The following ZNF804B variants were observed in gnomAD, a reference collection of about 807,000 sequenced individuals.
ZNF804B encodes zinc finger protein 804B, also known as zinc finger 804B.
Under a neutral mutation model 101.4 loss-of-function variants are expected in ZNF804B, and 80 were observed. The ratio of observed to expected loss-of-function variants is 0.79; its 90% CI spans 0.66 to 0.95. The LOEUF (loss-of-function observed/expected upper bound fraction) is 0.95, where lower values mean the gene tolerates loss of function less well. Ranked by LOEUF, ZNF804B falls within the 40% of genes least tolerant of loss-of-function variation. The pLI is 0.00. For missense variants in ZNF804B, 1,673 were observed against 1,561.9 expected (o/e 1.07, Z -1.20); for synonymous variants, 622 against 558.8 (o/e 1.11, Z -1.59).
chr7:88,820,661 A>C (rs1036222994), intron 1 of ZNF804B, among the ~76,000 whole-genome samples: 1 of 152,076 alleles, frequency 6.6e-6, no homozygotes, highest in African/African-American at 2.4e-5. Flanking sequence ...GCCTGTGGGA[A>C]ACTCTCTAGC....
At chr7:89,014,932 T>C (rs1027394230) in intron 1 of ZNF804B, among the ~76,000 whole-genome samples, 3 of 152,212 alleles carry the variant, frequency 2.0e-5, no homozygotes, top group Non-Finnish European at 4.4e-5. Flanking sequence ...CCCAGACCGA[T>C]GTTCTGAAGC....
At chr7:89,145,669 A>G (rs1329586684) in intron 1 of ZNF804B, among the ~76,000 whole-genome samples, 1 of 152,012 alleles carries the variant, frequency 6.6e-6, no homozygotes, top group Admixed American at 6.6e-5. Context: ...TCATTGACTA[A>G]TTCCACAAAC....
At chr7:88,987,431 C>T (rs1463547118) in intron 1 of ZNF804B, among the ~76,000 whole-genome samples, 3 of 152,082 alleles carry the variant, frequency 2.0e-5, no homozygotes, top group African/African-American at 7.2e-5. Flanking sequence ...AATCATTAGT[C>T]TTTCTTTGTA....
chr7:88,836,557 A>G (rs549777768), intron 1 of ZNF804B, among the ~76,000 whole-genome samples: 1 of 152,102 alleles, frequency 6.6e-6, no homozygotes, highest in East Asian at 1.9e-4. Flanking sequence ...TAAACGAAGT[A>G]TCTACTTCAA....
At chr7:89,306,362 G>T (rs532559790) in intron 2 of ZNF804B, among the ~76,000 whole-genome samples, 3 of 152,084 alleles carry the variant, frequency 2.0e-5, no homozygotes, top group Admixed American at 6.6e-5. Context: ...AGGATTCCAT[G>T]CATGACCGTG....
chr7:89,140,770 T>C (rs1790704953), intron 1 of ZNF804B, among the ~76,000 whole-genome samples: 1 of 152,108 alleles, frequency 6.6e-6, no homozygotes, highest in South Asian at 2.1e-4. Context: ...TTATCAGCAA[T>C]AGGCTTTTTT....
chr7:89,114,807 G>A (rs930242636), intron 1 of ZNF804B, among the ~76,000 whole-genome samples: 11 of 152,184 alleles, frequency 7.2e-5, no homozygotes, highest in Admixed American at 1.3e-4. Context: ...CTGAAACCAG[G>A]AAAGGTAAAT....
chr7:89,123,393 C>G (rs1311469703), intron 1 of ZNF804B, among the ~76,000 whole-genome samples: 2 of 152,108 alleles, frequency 1.3e-5, no homozygotes, highest in African/African-American at 4.8e-5. Context: ...GATGCACCTC[C>G]TCCAATGATC....
intron 1 of ZNF804B, among the ~76,000 whole-genome samples, chr7:88,851,729 GT>G (rs1231099248): frequency 3.3e-5 from 5 of 151,674 alleles, no homozygotes; most frequent in East Asian, 1.9e-4. Context: ...AATATAAAGA[GT>G]TTTTTTTCTT....
chr7:89,196,022 T>C (rs892633745), intron 1 of ZNF804B, among the ~76,000 whole-genome samples: 1 of 151,842 alleles, frequency 6.6e-6, no homozygotes, highest in Non-Finnish European at 1.5e-5. Context: ...TAAACTACCA[T>C]CGACATTCTT....
intron 1 of ZNF804B, among the ~76,000 whole-genome samples, chr7:88,843,600 G>T (rs1187128295): frequency 6.6e-6 from 1 of 152,106 alleles, no homozygotes; most frequent in Admixed American, 6.5e-5. Flanking sequence ...AGCTGGGCAT[G>T]GTGGCAGGTG....
chr7:88,849,053 A>G (rs575146162), intron 1 of ZNF804B, among the ~76,000 whole-genome samples: 2 of 152,290 alleles, frequency 1.3e-5, no homozygotes, highest in Admixed American at 6.5e-5. Context: ...CCCTCAATTT[A>G]CAAACAAAAT....
In ZNF804B at chr7:88,980,317, A is replaced by G. The variant is rs555531679; in HGVS notation, c.108+220233A>G. On this transcript the variant is annotated intron_variant, in intron 1 of 3. Coordinates refer to ENST00000333190, the MANE Select transcript of ZNF804B (RefSeq NM_181646.5). The stretch of plus-strand genomic sequence containing the variant: ...TGGTTTGGTCACTGGTGCCTTATTT[A>G]GTTTGATTTTTGAGTTCATGTGTTC... 5.3e-5 allele frequency among the ~76,000 whole-genome samples: 8 copies of G among 152,034 alleles called. No homozygotes were observed. In the South Asian group the frequency reaches 1.2e-3, roughly 24 times the overall value.
At chr7:88,932,224 G>A (rs955007039) in intron 1 of ZNF804B, among the ~76,000 whole-genome samples, 6 of 151,672 alleles carry the variant, frequency 4.0e-5, no homozygotes, top group Non-Finnish European at 8.9e-5. Flanking sequence ...ATCCCTCTCA[G>A]CATCCCTCTG....
chr7:88,947,649 T>A (rs984789915), intron 1 of ZNF804B, among the ~76,000 whole-genome samples: 1 of 151,716 alleles, frequency 6.6e-6, no homozygotes, highest in African/African-American at 2.4e-5. Context: ...TGTATATGTA[T>A]CACAGAACTT....
intron 1 of ZNF804B, among the ~76,000 whole-genome samples, chr7:88,879,978 G>GTGAGCC (rs1792008523): frequency 6.6e-6 from 1 of 151,946 alleles, no homozygotes; most frequent in Non-Finnish European, 1.5e-5. Flanking sequence ...GGTGGAGATT[G>GTGAGCC]CAGTGAGCCA....
At chr7:89,248,155 G>T (rs1363902693) in intron 2 of ZNF804B, among the ~76,000 whole-genome samples, 1 of 152,140 alleles carries the variant, frequency 6.6e-6, no homozygotes, top group African/African-American at 2.4e-5. Flanking sequence ...AAGAGATAGA[G>T]AAAAGATGAA....
At chr7:89,247,999 A>G (rs1789477269) in intron 2 of ZNF804B, among the ~76,000 whole-genome samples, 1 of 152,232 alleles carries the variant, frequency 6.6e-6, no homozygotes, top group South Asian at 2.1e-4. Context: ...CAAAGTAAGA[A>G]TTTCAGAGCT....
At chr7:88,987,508 A>G (rs1435271085) in intron 1 of ZNF804B, among the ~76,000 whole-genome samples, 1 of 152,140 alleles carries the variant, frequency 6.6e-6, no homozygotes, top group Admixed American at 6.6e-5. Flanking sequence ...TTTCCCCAGG[A>G]ACTTAAAGTA....
Sources: gnomAD v4.1 joint callset for allele counts (sites outside exome capture counted in the v4.1 genomes callset) on GRCh38, gnomAD v4.1.1 for gene constraint, MANE v1.5 for transcripts, NCBI Gene and HGNC (gene_info 2026-07-23, HGNC 2026-07-21) for gene names.